The following USP37 variants were observed in gnomAD, a reference collection of about 807,000 sequenced individuals.
The protein encoded by USP37 is ubiquitin specific peptidase 37, also known as ubiquitin carboxyl-terminal hydrolase 37.
A neutral mutation model predicts 124.0 loss-of-function variants in USP37; 27 were observed. The observed-to-expected ratio is 0.22, with a 90% CI of 0.16 to 0.30. The LOEUF is 0.30. USP37 is among the 10% of genes least tolerant of loss of function. The pLI is 1.00. For missense variants in USP37, 889 were observed against 1,140.4 expected (o/e 0.78, Z 3.17); for synonymous variants, 365 against 388.0 (o/e 0.94, Z 0.70).
At chr2:218,520,000 C>T (rs957547677) in intron 10 of USP37, among the ~76,000 whole-genome samples, 1 of 152,048 alleles carries the variant, frequency 6.6e-6, no homozygotes, top group Non-Finnish European at 1.5e-5. Flanking sequence ...TACAATGGTG[C>T]GATCTAGGCT....
chr2:218,490,277 C>T (rs1229219018), intron 14 of USP37, among the ~76,000 whole-genome samples: 1 of 152,090 alleles, frequency 6.6e-6, no homozygotes, highest in East Asian at 1.9e-4. Context: ...GGAGGCTGAA[C>T]TTGAAGTGAG....
rs1559220768 is a variant in USP37, at chr2:218,544,434, GA to G, written c.680+1786del. 8.0e-4 allele frequency among the ~76,000 whole-genome samples: 70 copies of G among 87,274 alleles called. 4 individuals carry two copies. Among genetic ancestry groups the G allele is most frequent in the African/African-American group, 2.5e-3 (66 of 26,754 alleles). The allele number at this position is 87,274 out of a possible 152,430, so 57.3% of individuals were successfully genotyped here. On this transcript the variant is annotated intron_variant, in intron 8 of 25. Coordinates refer to ENST00000258399, the MANE Select transcript of USP37 (RefSeq NM_020935.3). ...ATATATATATATATATATATATAGAGAGAGAGAGAGAGAGAGAGAGAGAGAG... is the reference window on the plus strand; with the variant it reads ...ATATATATATATATATATATATAGAGGAGAGAGAGAGAGAGAGAGAGAGAG...
Position 218,558,348 on chromosome 2 carries a change from CAT to C in USP37, c.156+148_156+149del, listed in dbSNP as rs1325849507. The stretch of plus-strand genomic sequence containing the variant: ...CAATACTGATGAATAATTTATAAAA[CAT>C]GTACATAAAAATATTAATGTCCTAG... On this transcript the variant is annotated intron_variant, in intron 4 of 25. Coordinates refer to ENST00000258399, the MANE Select transcript of USP37 (RefSeq NM_020935.3). The C allele has an allele frequency of 1.0e-5, 7 of 691,324 alleles. No homozygotes were observed. The Admixed American group carries it at 1.5e-4, about 15-fold the overall frequency. The allele number at this position is 691,324 out of a possible 1,614,324, so 42.8% of individuals were successfully genotyped here.
At chr2:218,479,387 T>C (rs1691131109) in intron 18 of USP37, among the ~76,000 whole-genome samples, 1 of 152,218 alleles carries the variant, frequency 6.6e-6, no homozygotes, top group Non-Finnish European at 1.5e-5. Flanking sequence ...ATGAAAGTAT[T>C]ACATATTAAC....
At position 218,459,823 on chromosome 2, in the gene USP37, T is replaced by C. The variant is rs1388274385; in HGVS notation, c.2610A>G (p.Glu870=). Residue 870 remains glutamate (E), a synonymous_variant, in exon 23 of 26, where the codon GAA becomes GAG. Coordinates refer to ENST00000258399, the MANE Select transcript of USP37 (RefSeq NM_020935.3). ...NEDVFDMEYT[E]AEAEELKRNA... ...TTCTTTTCAGTTCCTCAGCTTCAGC[T>C]TCTGTGTACTCCATATCAAAAACAT... 9 of 1,613,932 alleles carry C rather than the reference T, an allele frequency of 5.6e-6. No individual in the cohort carries two copies. The highest frequency in any genetic ancestry group is 1.1e-5 in the South Asian group (1 of 91,060).
Position 218,463,486 on chromosome 2 carries a change from A to G in USP37, c.2467-120T>C, listed in dbSNP as rs73074851. The G allele has an allele frequency of 7.7e-3, 4,616 of 601,396 alleles. 147 individuals carry two copies. Among genetic ancestry groups the G allele is most frequent in the African/African-American group, 0.071 (3,687 of 51,790 alleles). The allele number at this position is 601,396 out of a possible 1,614,324, so 37.3% of individuals were successfully genotyped here. On this transcript the variant is annotated intron_variant, in intron 21 of 25. Transcript: ENST00000258399. Reference sequence around the variant, plus strand: ...AAGAATGCTTTCTATAACCTTATGGATGTTTGGAATATTACCTTTTGAGGA... The same window carrying G: ...AAGAATGCTTTCTATAACCTTATGGGTGTTTGGAATATTACCTTTTGAGGA...
intron 10 of USP37, among the ~76,000 whole-genome samples, chr2:218,523,178 G>A (rs767645386): frequency 5.3e-5 from 8 of 152,014 alleles, no homozygotes; most frequent in Non-Finnish European, 1.0e-4. Context: ...CAGGAGAATC[G>A]CTTGAACCCG....
chr2:218,509,197 T>C (rs1315478931), intron 11 of USP37, among the ~76,000 whole-genome samples: 1 of 152,134 alleles, frequency 6.6e-6, no homozygotes, highest in East Asian at 1.9e-4. Context: ...TAATGTGCAG[T>C]GAAAAAGATA....
chr2:218,459,244 C>T (rs1435160398), intron 23 of USP37, among the ~76,000 whole-genome samples: 1 of 152,104 alleles, frequency 6.6e-6, no homozygotes, highest in African/African-American at 2.4e-5. Flanking sequence ...TCTTGTTGCC[C>T]AGGCTGGAGT....
chr2:218,517,507 TA>T (rs1559201536), intron 10 of USP37, among the ~76,000 whole-genome samples: 1 of 152,226 alleles, frequency 6.6e-6, no homozygotes. Context: ...TCACAGCAAA[TA>T]AAATTCTATG....
intron 4 of USP37, among the ~76,000 whole-genome samples, chr2:218,557,219 C>T (rs553968014): frequency 1.1e-4 from 17 of 152,194 alleles, no homozygotes; most frequent in African/African-American, 3.9e-4. Flanking sequence ...TTTTAACAAA[C>T]GAATGCTGAA....
At chr2:218,474,491 A>G in intron 20 of USP37, 139 bp downstream of exon 20, 1 of 1,258,980 alleles carries the variant, frequency 7.9e-7, no homozygotes, top group South Asian at 1.5e-5. Flanking sequence ...CCTCCCGAGT[A>G]GCTGGGATTA....
intron 12 of USP37, 79 bp from the exon 13 acceptor site, chr2:218,497,936 G>T: frequency 6.4e-7 from 1 of 1,571,760 alleles, no homozygotes. Flanking sequence ...ACTAATAATG[G>T]CACAGAAAAT....
chr2:218,561,485 C>G (rs1206896095), intron 2 of USP37, among the ~76,000 whole-genome samples: 2 of 151,984 alleles, frequency 1.3e-5, no homozygotes, highest in Non-Finnish European at 2.9e-5. Context: ...TGGTGAAACC[C>G]CATCTCTACC....
At chr2:218,493,135 A>G (rs495855) in intron 14 of USP37, among the ~76,000 whole-genome samples, 70,627 of 152,008 alleles carry the variant, frequency 0.46, 19,586 homozygotes, top group East Asian at 0.78. Context: ...CATTTGCCAA[A>G]CTGGCCAAAC....
rs189627338 is a variant in USP37 at position 218,506,380 on chromosome 2, T to A, written c.1025+3599A>T. 1.1e-3 allele frequency among the ~76,000 whole-genome samples: 154 copies of A among 139,504 alleles called. 1 individual carries two copies. The highest frequency in any genetic ancestry group is 1.8e-4 in the Non-Finnish European group (12 of 66,230). 91.5% of individuals were successfully genotyped at this position (139,504 alleles called of 152,430 possible). The stretch of plus-strand genomic sequence containing the variant: ...ATCTCAGCTCACTGCAACCTCCGCC[T>A]CCTGGGTTCAAGAAATTCTCCTGCT... On this transcript the variant is annotated intron_variant, in intron 11 of 25. Transcript: ENST00000258399.
chr2:218,457,875 G>A (rs1689775785), intron 23 of USP37, among the ~76,000 whole-genome samples: 2 of 151,766 alleles, frequency 1.3e-5, no homozygotes, highest in African/African-American at 4.8e-5. Flanking sequence ...GTGAAACCCT[G>A]TCTCTACTAA....
chr2:218,466,078 A>G lies in USP37; in HGVS notation c.2398T>C (p.Tyr800His). ...SQGEVDWLQQ[Y>H]DMEREREEQE... The stretch of plus-strand genomic sequence containing the variant: ...TCTTCCCTTTCACGCTCCATATCAT[A>G]CTGCTGGAGCCAATCAACTTCTCCC... Residue 800 changes from tyrosine (Y) to histidine (H), a missense_variant, in exon 21 of 26, where the codon TAT (tyrosine) becomes CAT (histidine). By Grantham distance (83) the Tyr-to-His change is moderately conservative. Around this residue, in one of 3 missense-constraint regions of USP37, gnomAD observed 504 missense variants for 714.3 expected, o/e 0.71. Coordinates refer to ENST00000258399, the MANE Select transcript of USP37 (RefSeq NM_020935.3). 3 of 1,613,988 alleles carry G rather than the reference A, an allele frequency of 1.9e-6. No homozygotes were observed. The East Asian group carries it at 6.7e-5, about 36-fold the overall frequency.
intron 13 of USP37, among the ~76,000 whole-genome samples, chr2:218,496,595 A>G (rs1478167308): frequency 7.6e-6 from 1 of 130,788 alleles, no homozygotes; most frequent in Non-Finnish European, 1.6e-5. Context: ...GGTAAATCAA[A>G]TCTATATTTG....
Sources: allele counts gnomAD v4.1 joint callset (sites outside exome capture counted in the v4.1 genomes callset), GRCh38; gene constraint gnomAD v4.1.1; regional missense constraint gnomAD v4.1.1; transcripts MANE v1.5; gene names NCBI Gene and HGNC (gene_info 2026-07-23, HGNC 2026-07-21).